The following PREX1 variants were observed in gnomAD, a reference collection of about 807,000 sequenced individuals.
PREX1 encodes the protein phosphatidylinositol 3,4,5-trisphosphate-dependent Rac exchanger 1 protein.
PREX1 carries 41 observed loss-of-function variants against 198.3 expected under a neutral mutation model. That is an observed-to-expected ratio of 0.21 (90% CI 0.16 to 0.27). PREX1 has a LOEUF of 0.27. PREX1 is among the 10% of genes least tolerant of loss of function. PREX1 has a pLI of 1.00. For missense variants in PREX1, 1,620 were observed against 2,200.7 expected (o/e 0.74, Z 5.28); for synonymous variants, 843 against 887.2 (o/e 0.95, Z 0.89).
At chr20:48,690,080 G>A (rs1424433792) in intron 9 of PREX1, among the ~76,000 whole-genome samples, 6 of 152,202 alleles carry the variant, frequency 3.9e-5, no homozygotes, top group Admixed American at 2.0e-4. Flanking sequence ...TGTAGCAGTC[G>A]AGGGGAAGAG....
the PREX1 span, among the ~76,000 whole-genome samples, chr20:48,847,371 A>AAAAAAAAAAAAAAAAAAC: frequency 6.1e-4 from 91 of 149,460 alleles, 2 homozygotes; most frequent in African/African-American, 2.2e-3. Flanking sequence ...TTATAAAAAA[A>AAAAAAAAAAAAAAAAAAC]AAAAAAAAAA....
At chr20:48,680,062 CCTGCA>C (rs1830674456) in intron 11 of PREX1, among the ~76,000 whole-genome samples, 1 of 152,188 alleles carries the variant, frequency 6.6e-6, no homozygotes, top group Admixed American at 6.5e-5. Flanking sequence ...CCTGATCCAG[CCTGCA>C]CTGGGACCCC....
intron 1 of PREX1, among the ~76,000 whole-genome samples, chr20:48,748,679 G>A (rs1268129434): frequency 6.6e-6 from 1 of 152,134 alleles, no homozygotes; most frequent in Non-Finnish European, 1.5e-5. Context: ...GACAAATCAC[G>A]TCTCTCCTCT....
chr20:48,788,133 G>A (rs1019633571), intron 1 of PREX1, among the ~76,000 whole-genome samples: 4 of 152,176 alleles, frequency 2.6e-5, no homozygotes, highest in Admixed American at 6.5e-5. Context: ...TAAAAGGCCC[G>A]TGGGAAGTTT....
intron 4 of PREX1, among the ~76,000 whole-genome samples, chr20:48,729,054 G>A (rs775797405): frequency 2.0e-5 from 3 of 151,686 alleles, no homozygotes; most frequent in Non-Finnish European, 4.4e-5. Context: ...CTGCCCCCCT[G>A]GCTGATCCCA....
At chr20:48,802,744 T>C (rs2090393270) in intron 1 of PREX1, among the ~76,000 whole-genome samples, 1 of 152,234 alleles carries the variant, frequency 6.6e-6, no homozygotes, top group African/African-American at 2.4e-5. Flanking sequence ...CCTTAGTCAG[T>C]ATCTGCTGAC....
chr20:48,828,210 G>C (rs1600540327), upstream of PREX1, among the ~76,000 whole-genome samples: 1 of 151,288 alleles, frequency 6.6e-6, no homozygotes, highest in African/African-American at 2.4e-5. Flanking sequence ...CGCCTCCGTC[G>C]GAAGCTCGGG....
In PREX1 at chr20:48,644,515, G is replaced by A. The variant is rs771354051; in HGVS notation, c.3513-18C>T. ...TACACTCGCTGCAAAGGGGCCCAGA[G>A]AAGGGGCTGAGTCACCCTGAGCTCA... is the stretch of plus-strand genomic sequence containing the variant. On this transcript the variant is annotated intron_variant, in intron 26 of 39. Coordinates refer to ENST00000371941, the MANE Select transcript of PREX1 (RefSeq NM_020820.4). 10 of 1,608,866 alleles carry A rather than the reference G, an allele frequency of 6.2e-6. No individual in the cohort carries two copies. Among genetic ancestry groups the A allele is most frequent in the Non-Finnish European group, 4.2e-6 (5 of 1,176,558 alleles).
intron 5 of PREX1, among the ~76,000 whole-genome samples, chr20:48,710,230 A>G (rs2089924276): frequency 6.6e-6 from 1 of 152,252 alleles, no homozygotes; most frequent in Non-Finnish European, 1.5e-5. Flanking sequence ...CAGGGCACCC[A>G]GGGCCAGCTC....
the PREX1 span, among the ~76,000 whole-genome samples, chr20:48,875,006 G>A: frequency 2.0e-5 from 3 of 152,322 alleles, no homozygotes; most frequent in East Asian, 5.8e-4. Flanking sequence ...CCAGAAGCTA[G>A]TATCCCTGAT....
Position 48,715,393 on chromosome 20 carries a change from T to C in PREX1, c.622-6972A>G, listed in dbSNP as rs181434810. 2.0e-3 allele frequency among the ~76,000 whole-genome samples: 298 copies of C among 152,326 alleles called. 5 individuals are homozygous for C. Among genetic ancestry groups the C allele is most frequent in the Admixed American group, 0.018 (273 of 15,300 alleles). On this transcript the variant is annotated intron_variant, in intron 5 of 39. Coordinates refer to ENST00000371941, the MANE Select transcript of PREX1 (RefSeq NM_020820.4). ...CATCAATAGAAGTATCAATGATAGA[T>C]TCAGGCCCACTAATGCCTTATTCTA...
intron 14 of PREX1, among the ~76,000 whole-genome samples, chr20:48,674,679 G>C (rs2089696746): frequency 6.6e-6 from 1 of 152,296 alleles, no homozygotes; most frequent in African/African-American, 2.4e-5. Flanking sequence ...AAGTAGGTTA[G>C]AGGACTCAAA....
rs1335709756 is a variant in PREX1, at chr20:48,691,480, G to T, written c.1037-384C>A. Reference sequence around the variant, plus strand: ...CAGCCTGACAAGCCAAGTCAAACGTGGGACCCTTACCCAGTGCTGGCTGGG... The same window carrying T: ...CAGCCTGACAAGCCAAGTCAAACGTTGGACCCTTACCCAGTGCTGGCTGGG... On this transcript the variant is annotated intron_variant, in intron 8 of 39. Transcript: ENST00000371941. The surrounding 1 kb of genome is among the most constrained non-coding windows in gnomAD (Gnocchi z 5.0). Among the ~76,000 whole-genome samples the T allele has an allele frequency of 2.6e-5, 4 of 152,142 alleles. No individual in the cohort carries two copies. Among genetic ancestry groups the T allele is most frequent in the Non-Finnish European group, 5.9e-5 (4 of 68,024 alleles).
chr20:48,692,517 G>C (rs2089824496), intron 8 of PREX1, 155 bp downstream of exon 8: 1 of 587,636 alleles, frequency 1.7e-6, no homozygotes, highest in East Asian at 2.8e-5. Flanking sequence ...TAACCACCCA[G>C]ATGTTCGCTT....
chr20:48,790,290 G>A (rs1182598043), intron 1 of PREX1, among the ~76,000 whole-genome samples: 1 of 152,144 alleles, frequency 6.6e-6, no homozygotes, highest in African/African-American at 2.4e-5. Context: ...TGAGTAAGTT[G>A]TCAAATCCAT....
intron 14 of PREX1, among the ~76,000 whole-genome samples, chr20:48,669,448 A>C (rs369859307): frequency 1.5e-4 from 23 of 152,262 alleles, no homozygotes; most frequent in African/African-American, 5.3e-4. Flanking sequence ...TCTGTTGCCC[A>C]CCGGGTATAA....
rs1022244503 is a variant in PREX1, at chr20:48,773,391, C to T, written c.220-25511G>A. On this transcript the variant is annotated intron_variant, in intron 1 of 39. Coordinates refer to ENST00000371941, the MANE Select transcript of PREX1 (RefSeq NM_020820.4). ...CAGAGGCACCTCTGGCCTCCAAGTG[C>T]CCCACACTAGCCCCTTTCCTGATCA... Among the ~76,000 whole-genome samples the T allele has an allele frequency of 6.9e-4, 105 of 152,288 alleles. 2 individuals carry two copies. Among genetic ancestry groups the T allele is most frequent in the Non-Finnish European group, 2.1e-4 (14 of 68,018 alleles).
intron 1 of PREX1, among the ~76,000 whole-genome samples, chr20:48,783,435 G>A (rs1246858968): frequency 2.0e-5 from 3 of 152,148 alleles, no homozygotes; most frequent in Admixed American, 6.5e-5. Context: ...CAGCACATGT[G>A]TAGTTTCAGG....
chr20:48,874,424 G>A, the PREX1 span, among the ~76,000 whole-genome samples: 14,768 of 149,168 alleles, frequency 0.099, 855 homozygotes, highest in Middle Eastern at 0.16. Flanking sequence ...TGTGTGTAGG[G>A]GGTGGGTGGT....
Sources: allele counts gnomAD v4.1 joint callset (sites outside exome capture counted in the v4.1 genomes callset), GRCh38; gene constraint gnomAD v4.1.1; non-coding constraint Gnocchi (gnomAD v3.1); transcripts MANE v1.5; gene names NCBI Gene and HGNC (gene_info 2026-07-23, HGNC 2026-07-21).